Variants in CRISP1 observed in about 807,000 individuals in gnomAD.
CRISP1 encodes the protein cysteine-rich secretory protein 1.
A neutral mutation model predicts 33.1 loss-of-function variants in CRISP1; 44 were observed. The observed-to-expected ratio is 1.33, with a 90% CI of 1.05 to 1.71. CRISP1 has a LOEUF of 1.71. Ranked by LOEUF, CRISP1 falls within the 40% of genes most tolerant of loss-of-function variation. The probability of loss-of-function intolerance (pLI) is 0.00; values close to 1 mark genes in which losing one functional copy is unlikely to be tolerated. For missense variants in CRISP1, 390 were observed against 301.2 expected, an observed-to-expected ratio of 1.29 and a Z score of -2.18; for synonymous variants, 103 against 98.7, an observed-to-expected ratio of 1.04 and a Z score of -0.26.
upstream of CRISP1, among the ~76,000 whole-genome samples, chr6:49,868,939 T>C (rs1303216140): frequency 6.6e-6 from 1 of 152,174 alleles, no homozygotes; most frequent in Non-Finnish European, 1.5e-5. Context: ...GGGAGATTAA[T>C]GGCCCTTTGA....
intron 1 of CRISP1, among the ~76,000 whole-genome samples, chr6:49,863,237 C>A (rs994389676): frequency 8.5e-5 from 13 of 152,092 alleles, no homozygotes; most frequent in Admixed American, 7.9e-4. Context: ...CCCTGTAGAT[C>A]CAGACTGAGA....
Position 49,846,561 on chromosome 6 carries a change from T to C in CRISP1, c.394A>G (p.Thr132Ala), listed in dbSNP as rs757769692. 2 of 1,613,630 alleles carry C rather than the reference T, an allele frequency of 1.2e-6. No homozygotes were observed. Among genetic ancestry groups the C allele is most frequent in the East Asian group, 2.2e-5 (1 of 44,850 alleles). Reference sequence around the variant, plus strand: ...GTAGTTATGTCATCATCCGTTGTTGTCCATTCTCCATGTTTGAAACTTGTA... The same window carrying C: ...GTAGTTATGTCATCATCCGTTGTTGCCCATTCTCCATGTTTGAAACTTGTA... ...ESTSFKHGEW[T>A]TTDDDITTDH... Residue 132 changes from threonine (T) to alanine (A), a missense_variant, in exon 5 of 8, where the codon ACA (threonine) becomes GCA (alanine). Coordinates refer to ENST00000335847, the MANE Select transcript of CRISP1 (RefSeq NM_001131.3).
At chr6:49,856,714 A>G (rs1561946801) in intron 2 of CRISP1, among the ~76,000 whole-genome samples, 1 of 152,120 alleles carries the variant, frequency 6.6e-6, no homozygotes, top group Non-Finnish European at 1.5e-5. Flanking sequence ...ATTAAAATAT[A>G]TATTATTTTC....
upstream of CRISP1, among the ~76,000 whole-genome samples, chr6:49,870,703 A>G (rs969402121): frequency 6.6e-6 from 1 of 152,192 alleles, no homozygotes; most frequent in African/African-American, 2.4e-5. Context: ...CTCTGTATAT[A>G]TAACAACATC....
At chr6:49,852,388 C>T (rs1007878998) in intron 2 of CRISP1, among the ~76,000 whole-genome samples, 3 of 152,136 alleles carry the variant, frequency 2.0e-5, no homozygotes, top group African/African-American at 4.8e-5. Context: ...TTTCCAGGTT[C>T]ATACTTTGGA....
At chr6:49,844,541 G>A (rs901156753) in intron 5 of CRISP1, among the ~76,000 whole-genome samples, 1 of 133,758 alleles carries the variant, frequency 7.5e-6, no homozygotes, top group Non-Finnish European at 1.8e-5. Context: ...TGTTAGCAGG[G>A]CCTCTTCTGA....
chr6:49,870,292 G>A (rs535759235), upstream of CRISP1, among the ~76,000 whole-genome samples: 1 of 152,236 alleles, frequency 6.6e-6, no homozygotes, highest in South Asian at 2.1e-4. Flanking sequence ...ACTCAAACTG[G>A]GTAATTGAGG....
chr6:49,847,454 A>AC (rs1561942672), intron 4 of CRISP1, among the ~76,000 whole-genome samples: 3 of 151,380 alleles, frequency 2.0e-5, no homozygotes, highest in African/African-American at 7.3e-5. Context: ...AGTATGTGGC[A>AC]CCCCCCAACT....
intron 5 of CRISP1, among the ~76,000 whole-genome samples, chr6:49,841,264 T>G (rs546774288): frequency 7.9e-5 from 12 of 152,236 alleles, no homozygotes; most frequent in Admixed American, 3.9e-4. Context: ...TGTCTCTATT[T>G]TTTGTCAGTT....
chr6:49,859,562 A>C (rs943621952), intron 1 of CRISP1, among the ~76,000 whole-genome samples: 2 of 152,192 alleles, frequency 1.3e-5, no homozygotes, highest in Non-Finnish European at 2.9e-5. Context: ...GGAGCCCTAC[A>C]CATGGAAGTG....
At chr6:49,866,939 A>G (rs983777226), upstream of CRISP1, among the ~76,000 whole-genome samples, 1 of 152,096 alleles carries the variant, frequency 6.6e-6, no homozygotes, top group African/African-American at 2.4e-5. Flanking sequence ...ACACAATCTT[A>G]TGGAGTTTGG....
chr6:49,870,814 A>C (rs12210421), upstream of CRISP1, among the ~76,000 whole-genome samples: 14,750 of 152,188 alleles, frequency 0.097, 998 homozygotes, highest in Non-Finnish European at 0.15. Context: ...ATAACAAAAT[A>C]GGCCAGGCGT....
chr6:49,865,530 A>G (rs1194168866), intron 1 of CRISP1, among the ~76,000 whole-genome samples: 1 of 152,208 alleles, frequency 6.6e-6, no homozygotes, highest in African/African-American at 2.4e-5. Context: ...AGTCAATTTG[A>G]TCCATTGCAT....
At chr6:49,851,561 C>G (rs182511438) in intron 3 of CRISP1, among the ~76,000 whole-genome samples, 38 of 152,274 alleles carry the variant, frequency 2.5e-4, no homozygotes, top group Non-Finnish European at 4.9e-4. Flanking sequence ...CTCTGGACTA[C>G]TGCCCAATGA....
chr6:49,862,837 A>G (rs1441841401), intron 1 of CRISP1, among the ~76,000 whole-genome samples: 1 of 151,850 alleles, frequency 6.6e-6, no homozygotes, highest in Non-Finnish European at 1.5e-5. Flanking sequence ...ACAAAACAAA[A>G]CTGGAGGGTC....
chr6:49,851,083 C>T (rs1582270277), intron 3 of CRISP1, among the ~76,000 whole-genome samples: 1 of 152,216 alleles, frequency 6.6e-6, no homozygotes, highest in South Asian at 2.1e-4. Context: ...GCTACAACAC[C>T]ATGCAGGAAT....
chr6:49,843,357 T>C (rs189810388), intron 5 of CRISP1, among the ~76,000 whole-genome samples: 74 of 152,340 alleles, frequency 4.9e-4, no homozygotes, highest in African/African-American at 1.6e-3. Context: ...TTTCTGTGAT[T>C]ATGCCTCTTT....
chr6:49,860,735 C>T (rs1771624048), intron 1 of CRISP1, among the ~76,000 whole-genome samples: 1 of 151,822 alleles, frequency 6.6e-6, no homozygotes, highest in African/African-American at 2.4e-5. Context: ...ACAAATCAAA[C>T]CCAAAACTGG....
intron 5 of CRISP1, among the ~76,000 whole-genome samples, chr6:49,844,026 C>T (rs931453859): frequency 6.6e-5 from 10 of 152,142 alleles, no homozygotes; most frequent in African/African-American, 1.9e-4. Flanking sequence ...TTCTCCTCAT[C>T]ACTTATAGTA....
Sources: gnomAD v4.1 joint callset for allele counts (sites outside exome capture counted in the v4.1 genomes callset) on GRCh38, gnomAD v4.1.1 for gene constraint, MANE v1.5 for transcripts, NCBI Gene and HGNC (gene_info 2026-07-23, HGNC 2026-07-21) for gene names.